Variants in C8orf34 observed in about 807,000 individuals in gnomAD.
C8orf34 encodes the protein chromosome 8 open reading frame 34.
In C8orf34, 65 loss-of-function variants were observed where a neutral mutation model predicts 68.3. That is an observed-to-expected ratio of 0.95 (90% CI 0.78 to 1.17). C8orf34 has a LOEUF of 1.17. Among genes scored for constraint, C8orf34 ranks in the 50% most tolerant of loss-of-function variants. The probability of loss-of-function intolerance (pLI) is 0.00; values close to 1 mark genes in which losing one functional copy is unlikely to be tolerated. For missense variants in C8orf34, 664 were observed against 655.4 expected (o/e 1.01, Z -0.14); for synonymous variants, 244 against 241.2 (o/e 1.01, Z -0.11).
chr8:68,346,442 A>G (rs1424099214), intron 1 of C8orf34, among the ~76,000 whole-genome samples: 2 of 152,164 alleles, frequency 1.3e-5, no homozygotes, highest in South Asian at 2.1e-4. Flanking sequence ...ACCTACATTG[A>G]CACATCCTTA....
intron 6 of C8orf34, among the ~76,000 whole-genome samples, chr8:68,523,962 T>C (rs1319534154): frequency 6.6e-6 from 1 of 152,238 alleles, no homozygotes; most frequent in Non-Finnish European, 1.5e-5. Context: ...TGGCACATTT[T>C]TGTTGTCGTT....
At chr8:68,529,755 A>G (rs1586326692) in intron 6 of C8orf34, among the ~76,000 whole-genome samples, 1 of 152,182 alleles carries the variant, frequency 6.6e-6, no homozygotes, top group Admixed American at 6.5e-5. Context: ...TTTTGATAAT[A>G]TGTTTGCCTT....
At chr8:68,544,252 A>G (rs1314978665) in intron 7 of C8orf34, among the ~76,000 whole-genome samples, 1 of 152,206 alleles carries the variant, frequency 6.6e-6, no homozygotes, top group Non-Finnish European at 1.5e-5. Context: ...ATAGAGAAAC[A>G]GAAACCAAAC....
intron 8 of C8orf34, among the ~76,000 whole-genome samples, chr8:68,677,463 A>G (rs1242910253): frequency 6.6e-6 from 1 of 152,056 alleles, no homozygotes; most frequent in East Asian, 1.9e-4. Flanking sequence ...AACTCAAACA[A>G]TCCTCCCACC....
chr8:68,587,623 A>C, intron 7 of C8orf34, among the ~76,000 whole-genome samples: 1 of 152,250 alleles, frequency 6.6e-6, no homozygotes, highest in Middle Eastern at 3.4e-3. Context: ...AAGAAAATGA[A>C]ATTAACAGAT....
chr8:68,353,076 GT>G (rs1219233663), intron 1 of C8orf34, among the ~76,000 whole-genome samples: 1 of 152,054 alleles, frequency 6.6e-6, no homozygotes, highest in Non-Finnish European at 1.5e-5. Context: ...AAGTACAGAA[GT>G]TTAAAATAGA....
intron 8 of C8orf34, among the ~76,000 whole-genome samples, chr8:68,658,860 T>C (rs1478777950): frequency 1.3e-5 from 2 of 152,242 alleles, no homozygotes; most frequent in Non-Finnish European, 2.9e-5. Context: ...TTGTTTTCTC[T>C]TTCCTTAAAG....
At chr8:68,498,034 G>A (rs1410592128) in intron 5 of C8orf34, among the ~76,000 whole-genome samples, 1 of 152,084 alleles carries the variant, frequency 6.6e-6, no homozygotes, top group Non-Finnish European at 1.5e-5. Flanking sequence ...CTCCATGTTG[G>A]TCAGGCTGCT....
intron 4 of C8orf34, among the ~76,000 whole-genome samples, chr8:68,473,778 C>G (rs1054141295): frequency 6.6e-6 from 1 of 152,202 alleles, no homozygotes; most frequent in African/African-American, 2.4e-5. Flanking sequence ...CGCACCTATA[C>G]TTCTGAAACT....
chr8:68,634,691 A>C (rs1437487157), intron 7 of C8orf34, among the ~76,000 whole-genome samples: 1 of 152,126 alleles, frequency 6.6e-6, no homozygotes, highest in Non-Finnish European at 1.5e-5. Flanking sequence ...GTATCCTTCC[A>C]TGACCAAACC....
At position 68,446,191 on chromosome 8, in the gene C8orf34, C is replaced by G. The variant is rs550369895; in HGVS notation, c.476-138C>G. On this transcript the variant is annotated intron_variant, in intron 2 of 13. Transcript: ENST00000518698. Reference sequence around the variant, plus strand: ...TACAGATGAAATTAAACAAGTAATACCTTTGCGTGGGTACATTATTTTTGA... The same window carrying G: ...TACAGATGAAATTAAACAAGTAATAGCTTTGCGTGGGTACATTATTTTTGA... The G allele has an allele frequency of 1.7e-4, 112 of 655,330 alleles. 1 individual carries two copies. The South Asian group carries it at 2.5e-3, about 15-fold the overall frequency. The allele number at this position is 655,330 out of a possible 1,614,324, so 40.6% of individuals were successfully genotyped here.
chr8:68,783,509 G>A (rs1823751612), intron 11 of C8orf34, among the ~76,000 whole-genome samples: 1 of 144,428 alleles, frequency 6.9e-6, no homozygotes. Flanking sequence ...GGGCAACAGG[G>A]CGAGACTTCA....
chr8:68,358,058 C>A (rs561374238), intron 1 of C8orf34, among the ~76,000 whole-genome samples: 1 of 152,190 alleles, frequency 6.6e-6, no homozygotes, highest in African/African-American at 2.4e-5. Context: ...ATTTATGCTT[C>A]CTTGGAAAAT....
At chr8:68,750,482 G>C (rs1822672524) in intron 10 of C8orf34, among the ~76,000 whole-genome samples, 1 of 152,088 alleles carries the variant, frequency 6.6e-6, no homozygotes, top group Non-Finnish European at 1.5e-5. Flanking sequence ...GTATTTAATG[G>C]ATTTGAGGTT....
At chr8:68,739,320 C>T (rs1822213758) in intron 10 of C8orf34, among the ~76,000 whole-genome samples, 1 of 151,978 alleles carries the variant, frequency 6.6e-6, no homozygotes, top group South Asian at 2.1e-4. Flanking sequence ...ATCTGACAAA[C>T]CCACAGCCAA....
At chr8:68,774,967 ATT>A in intron 10 of C8orf34, among the ~76,000 whole-genome samples, 3 of 147,828 alleles carry the variant, frequency 2.0e-5, no homozygotes, top group Admixed American at 6.8e-5. Context: ...AAAAAAAAAA[ATT>A]AGCTGGGCGG....
chr8:68,397,939 T>C (rs1364844743), intron 1 of C8orf34, among the ~76,000 whole-genome samples: 2 of 152,058 alleles, frequency 1.3e-5, no homozygotes, highest in East Asian at 1.9e-4. Flanking sequence ...CAGCCAATTT[T>C]TTTCTTTTCA....
At chr8:68,398,559 T>C (rs1291124856) in intron 1 of C8orf34, among the ~76,000 whole-genome samples, 2 of 152,166 alleles carry the variant, frequency 1.3e-5, no homozygotes, top group Non-Finnish European at 2.9e-5. Flanking sequence ...ATGATAGATA[T>C]GTTAATTTGA....
At position 68,588,628 on chromosome 8, in the gene C8orf34, G is replaced by A. The variant is rs555661339; in HGVS notation, c.1106-51748G>A. 6.6e-5 allele frequency among the ~76,000 whole-genome samples: 10 copies of A among 152,294 alleles called. No individual in the cohort carries two copies. In the East Asian group the frequency reaches 1.9e-3, roughly 29 times the overall value. On this transcript the variant is annotated intron_variant, in intron 7 of 13. Transcript: ENST00000518698. ...AGACCAAAAGAACTGTAGGTATTAAGTTCATGTGACAAAAGTCCAATGTGT... is the reference window on the plus strand; with the variant it reads ...AGACCAAAAGAACTGTAGGTATTAAATTCATGTGACAAAAGTCCAATGTGT...
Sources: gnomAD v4.1 joint callset for allele counts (sites outside exome capture counted in the v4.1 genomes callset) on GRCh38, gnomAD v4.1.1 for gene constraint, MANE v1.5 for transcripts, NCBI Gene and HGNC (gene_info 2026-07-23, HGNC 2026-07-21) for gene names.